SEMA3D: variants seen among roughly 807,000 people sequenced by gnomAD.
The protein encoded by SEMA3D is semaphorin-3D.
A neutral mutation model predicts 100.1 loss-of-function variants in SEMA3D; 84 were observed. That is an observed-to-expected ratio of 0.84 (90% CI 0.70 to 1.01). SEMA3D has a LOEUF of 1.01. Ranked by LOEUF, SEMA3D falls within the 50% of genes least tolerant of loss-of-function variation. The probability of loss-of-function intolerance (pLI) is 0.00; values close to 1 mark genes in which losing one functional copy is unlikely to be tolerated. For missense variants in SEMA3D, 875 were observed against 934.1 expected, an observed-to-expected ratio of 0.94 and a Z score of 0.82; for synonymous variants, 312 against 320.7, an observed-to-expected ratio of 0.97 and a Z score of 0.29.
intron 4 of SEMA3D, among the ~76,000 whole-genome samples, chr7:85,086,497 G>A (rs1174608814): frequency 1.3e-5 from 2 of 151,842 alleles, no homozygotes; most frequent in Non-Finnish European, 2.9e-5. Context: ...ATCTTTTGAA[G>A]TGTTATATGT....
intron 12 of SEMA3D, among the ~76,000 whole-genome samples, chr7:85,034,668 C>T (rs1242029777): frequency 1.3e-5 from 2 of 151,968 alleles, no homozygotes; most frequent in Non-Finnish European, 2.9e-5. Flanking sequence ...CTTCAATAGA[C>T]ATTTCTCCAA....
chr7:85,086,631 C>T (rs1024196469), intron 4 of SEMA3D, among the ~76,000 whole-genome samples: 4 of 140,848 alleles, frequency 2.8e-5, no homozygotes, highest in Non-Finnish European at 1.6e-5. Flanking sequence ...TCTCTCTCTC[C>T]GTGTGTGTGT....
chr7:85,201,340 C>A, the SEMA3D span, among the ~76,000 whole-genome samples: 1 of 152,132 alleles, frequency 6.6e-6, no homozygotes, highest in Non-Finnish European at 1.5e-5. Flanking sequence ...CCCCAGTAGT[C>A]CATGCTGTGA....
At chr7:85,037,578 C>T (rs140122706) in intron 11 of SEMA3D, among the ~76,000 whole-genome samples, 3,726 of 152,106 alleles carry the variant, frequency 0.024, 79 homozygotes, top group Non-Finnish European at 0.039. Context: ...ACATTAGTTG[C>T]TAAATGATAT....
At chr7:85,183,988 T>C (rs1362610106) in intron 1 of SEMA3D, among the ~76,000 whole-genome samples, 1 of 152,180 alleles carries the variant, frequency 6.6e-6, no homozygotes, top group Non-Finnish European at 1.5e-5. Context: ...TTTTTCTTTT[T>C]TTTTTCCTTT....
At chr7:85,184,348 A>G (rs1791482582) in intron 1 of SEMA3D, among the ~76,000 whole-genome samples, 1 of 152,196 alleles carries the variant, frequency 6.6e-6, no homozygotes, top group Non-Finnish European at 1.5e-5. Flanking sequence ...ACATTTTTGC[A>G]TCTCATTTAT....
chr7:85,080,850 A>G (rs1183675794), intron 5 of SEMA3D, among the ~76,000 whole-genome samples: 1 of 152,182 alleles, frequency 6.6e-6, no homozygotes, highest in Non-Finnish European at 1.5e-5. Context: ...ACCAGAGACA[A>G]AAAGTCATAC....
chr7:85,114,264 G>A (rs1789175637), intron 3 of SEMA3D, among the ~76,000 whole-genome samples: 1 of 152,170 alleles, frequency 6.6e-6, no homozygotes, highest in Non-Finnish European at 1.5e-5. Flanking sequence ...AGGTGGTATG[G>A]CAGGATTTGA....
chr7:85,001,171 C>T (rs917879600), intron 18 of SEMA3D, among the ~76,000 whole-genome samples: 6 of 152,138 alleles, frequency 3.9e-5, no homozygotes, highest in African/African-American at 7.2e-5. Flanking sequence ...GTGCAGCTGG[C>T]GGGGAACCAT....
chr7:85,246,418 AT>A, the SEMA3D span, among the ~76,000 whole-genome samples: 1 of 151,578 alleles, frequency 6.6e-6, no homozygotes, highest in Non-Finnish European at 1.5e-5. Context: ...CTTCCTTCAG[AT>A]TTTTTTTTCT....
chr7:85,029,575 T>C (rs912433145), intron 12 of SEMA3D: 2 of 517,620 alleles, frequency 3.9e-6, no homozygotes, highest in Non-Finnish European at 7.3e-6. Flanking sequence ...AAGTCCATGA[T>C]AACCAAACTG....
At position 85,024,856 on chromosome 7, in the gene SEMA3D, TATC is replaced by T. The variant is rs577585857; in HGVS notation, c.1192-2246_1192-2244del. ...CAAACCAGTGGAATTTTTGCGTTGA[TATC>T]ATATAGCTGTGCTGCACACAGATCT... On this transcript the variant is annotated intron_variant, in intron 12 of 18. Transcript: ENST00000284136. Among the ~76,000 whole-genome samples the T allele has an allele frequency of 7.7e-4, 117 of 152,126 alleles. 1 individual carries two copies. In the South Asian group the frequency reaches 0.024, roughly 31 times the overall value.
the SEMA3D span, among the ~76,000 whole-genome samples, chr7:85,229,371 C>T: frequency 1.3e-5 from 2 of 151,298 alleles, no homozygotes; most frequent in African/African-American, 4.8e-5. Flanking sequence ...TTAAAAATAC[C>T]CTCCAATAAC....
At chr7:85,126,867 G>A (rs75055634) in intron 2 of SEMA3D, among the ~76,000 whole-genome samples, 2,126 of 152,154 alleles carry the variant, frequency 0.014, 53 homozygotes, top group African/African-American at 0.048. Flanking sequence ...GATTCAAGTG[G>A]TATGTGAAAA....
At chr7:85,129,002 C>G (rs898241283) in intron 2 of SEMA3D, among the ~76,000 whole-genome samples, 1 of 150,384 alleles carries the variant, frequency 6.6e-6, no homozygotes, top group African/African-American at 2.4e-5. Context: ...AGTGATCCAC[C>G]TGCCTTGGCT....
chr7:85,215,117 C>CTT, the SEMA3D span, among the ~76,000 whole-genome samples: 352 of 128,290 alleles, frequency 2.7e-3, no homozygotes, highest in Non-Finnish European at 4.1e-3. Flanking sequence ...TTCTTTCTTT[C>CTT]TTTTTTTTTT....
At chr7:85,195,314 C>G in the SEMA3D span, among the ~76,000 whole-genome samples, 1 of 152,096 alleles carries the variant, frequency 6.6e-6, no homozygotes, top group Non-Finnish European at 1.5e-5. Context: ...ACAGTTGTAC[C>G]CCATAAATAC....
chr7:85,111,790 T>G (rs994525244), intron 3 of SEMA3D, among the ~76,000 whole-genome samples: 2 of 152,024 alleles, frequency 1.3e-5, no homozygotes, highest in African/African-American at 4.8e-5. Context: ...AATTGTCTAT[T>G]TAGTCAATTT....
chr7:85,140,176 G>T (rs1790004053), intron 2 of SEMA3D: 2 of 485,352 alleles, frequency 4.1e-6, no homozygotes, highest in African/African-American at 4.2e-5. Context: ...AAGTTTATAA[G>T]AGCATTTATT....
Sources: gnomAD v4.1 joint callset for allele counts (sites outside exome capture counted in the v4.1 genomes callset) on GRCh38, gnomAD v4.1.1 for gene constraint, MANE v1.5 for transcripts, NCBI Gene and HGNC (gene_info 2026-07-23, HGNC 2026-07-21) for gene names.